KIAA1671: variants seen among roughly 807,000 people sequenced by gnomAD.
KIAA1671 encodes the protein KIAA1671, also known as uncharacterized protein KIAA1671.
Under a neutral mutation model 131.2 loss-of-function variants are expected in KIAA1671, and 52 were observed. That is an observed-to-expected ratio of 0.40 (90% CI 0.32 to 0.50). KIAA1671 has a LOEUF of 0.50. Ranked by LOEUF, KIAA1671 falls within the 20% of genes least tolerant of loss-of-function variation. The pLI is 0.73. For missense variants in KIAA1671, 2,360 were observed against 2,364.2 expected (o/e 1.00, Z 0.04); for synonymous variants, 1,003 against 961.6 (o/e 1.04, Z -0.80).
chr22:25,038,651 T>G, intron 4 of KIAA1671, 109 bp from the exon 5 acceptor site: 1 of 1,156,180 alleles, frequency 8.6e-7, no homozygotes, highest in Non-Finnish European at 1.2e-6. Flanking sequence ...TTTTATGGTA[T>G]TTCATTGTTT....
At chr22:25,154,094 C>T (rs1409628851) in intron 6 of KIAA1671, among the ~76,000 whole-genome samples, 2 of 152,224 alleles carry the variant, frequency 1.3e-5, no homozygotes, top group East Asian at 3.9e-4. Context: ...AGGTCCGGCT[C>T]CAAGGATGTC....
At chr22:25,080,097 G>A (rs73397880) in intron 6 of KIAA1671, among the ~76,000 whole-genome samples, 14,503 of 152,232 alleles carry the variant, frequency 0.095, 819 homozygotes, top group Middle Eastern at 0.13. Flanking sequence ...AGATGGAGCT[G>A]TCATCAGCTT....
At chr22:24,989,235 C>T (rs1279669986) in intron 1 of KIAA1671, among the ~76,000 whole-genome samples, 1 of 152,230 alleles carries the variant, frequency 6.6e-6, no homozygotes, top group Non-Finnish European at 1.5e-5. Context: ...GCCACCCCGT[C>T]TCCCACCTGG....
chr22:25,171,539 C>T (rs897862706), intron 7 of KIAA1671, among the ~76,000 whole-genome samples: 3 of 151,986 alleles, frequency 2.0e-5, no homozygotes, highest in African/African-American at 4.8e-5. Flanking sequence ...TGGCGAAACC[C>T]CATCTCTACT....
In KIAA1671 at chr22:25,189,763, CG is replaced by C. The variant is rs575941037; in HGVS notation, c.5343-938del. Among the ~76,000 whole-genome samples, 135 of 138,488 alleles carry C rather than the reference CG, an allele frequency of 9.7e-4. 1 individual carries two copies. Among genetic ancestry groups the C allele is most frequent in the African/African-American group, 3.5e-3 (133 of 37,488 alleles). The allele number at this position is 138,488 out of a possible 152,430, so 90.9% of individuals were successfully genotyped here. A position where few individuals can be genotyped will look rare whatever the true frequency, so the allele number is the denominator to read the frequency against. Reference sequence around the variant, plus strand: ...TGGATGGAAATAATTTTATATAGGACGAATTTTTTGTTTGTTTGTTTGCTTT... The same window carrying C: ...TGGATGGAAATAATTTTATATAGGACAATTTTTTGTTTGTTTGTTTGCTTT... On this transcript the variant is annotated intron_variant, in intron 11 of 12. Transcript: ENST00000358431.
At chr22:25,059,264 C>G (rs1056638687) in intron 6 of KIAA1671, 1 of 152,160 alleles carries the variant, frequency 6.6e-6, no homozygotes, top group African/African-American at 2.4e-5. Flanking sequence ...GTCAGGAGTT[C>G]AAGATCAGCC....
intron 1 of KIAA1671, among the ~76,000 whole-genome samples, chr22:24,969,185 G>A (rs1922468139): frequency 6.6e-6 from 1 of 152,206 alleles, no homozygotes; most frequent in Non-Finnish European, 1.5e-5. Flanking sequence ...ACAGGTGTGA[G>A]CCACCGTGCC....
At chr22:25,077,730 A>G (rs1021212776) in intron 6 of KIAA1671, among the ~76,000 whole-genome samples, 7 of 152,124 alleles carry the variant, frequency 4.6e-5, no homozygotes, top group African/African-American at 1.7e-4. Context: ...TGTGGTTTTC[A>G]TTGTGTTTCT....
chr22:25,064,897 G>T (rs1165443042), intron 6 of KIAA1671: 1 of 152,258 alleles, frequency 6.6e-6, no homozygotes, highest in Non-Finnish European at 1.5e-5. Flanking sequence ...GATAACCTGG[G>T]ACCCAGGCTC....
chr22:24,967,854 G>C (rs530771226), intron 1 of KIAA1671, among the ~76,000 whole-genome samples: 2 of 152,130 alleles, frequency 1.3e-5, no homozygotes, highest in Non-Finnish European at 2.9e-5. Context: ...TTAGCCGGGC[G>C]TGGTGGCGGG....
intron 6 of KIAA1671, among the ~76,000 whole-genome samples, chr22:25,093,746 C>CTCTCTCTCTCTG (rs1930182178): frequency 8.2e-6 from 1 of 121,432 alleles, no homozygotes; most frequent in East Asian, 2.5e-4. Flanking sequence ...CACTCTCTCT[C>CTCTCTCTCTCTG]TCTCTCTCTC....
chr22:24,966,721 G>C (rs1922324383), intron 1 of KIAA1671, among the ~76,000 whole-genome samples: 1 of 152,192 alleles, frequency 6.6e-6, no homozygotes, highest in Non-Finnish European at 1.5e-5. Flanking sequence ...GGGAGGCCGA[G>C]GTGGAAGGAT....
intron 6 of KIAA1671, among the ~76,000 whole-genome samples, chr22:25,117,003 G>A (rs927641125): frequency 8.5e-5 from 13 of 152,158 alleles, no homozygotes; most frequent in African/African-American, 2.7e-4. Flanking sequence ...GCTGTGGGGG[G>A]TAAGGGGTAG....
At chr22:24,959,565 T>C (rs1602026626) in intron 1 of KIAA1671, among the ~76,000 whole-genome samples, 1 of 150,922 alleles carries the variant, frequency 6.6e-6, no homozygotes, top group African/African-American at 2.4e-5. Context: ...TCGAGGCACA[T>C]ACACACACAC....
intron 5 of KIAA1671, among the ~76,000 whole-genome samples, chr22:25,045,712 C>G (rs1055285593): frequency 2.5e-3 from 385 of 152,168 alleles, no homozygotes; most frequent in African/African-American, 8.8e-3. Context: ...GCCTCAGCCT[C>G]CTGAGTAGCT....
chr22:25,177,145 G>A, intron 8 of KIAA1671: 1 of 564,384 alleles, frequency 1.8e-6, no homozygotes, highest in Non-Finnish European at 3.1e-6. Flanking sequence ...CCTGACTTTT[G>A]TCATCAGCCT....
chr22:24,959,565 T>TACACAC (rs71739745), intron 1 of KIAA1671, among the ~76,000 whole-genome samples: 12 of 150,922 alleles, frequency 8.0e-5, no homozygotes, highest in African/African-American at 2.2e-4. Context: ...TCGAGGCACA[T>TACACAC]ACACACACAC....
At chr22:25,050,720 C>G (rs1018326630) in intron 6 of KIAA1671, 1 of 152,296 alleles carries the variant, frequency 6.6e-6, no homozygotes, top group Non-Finnish European at 1.5e-5. Flanking sequence ...CAGATCCCAG[C>G]TAGGTGTTTA....
In KIAA1671 at chr22:25,028,323, C is replaced by T. The variant is rs1926069447; in HGVS notation, c.324C>T (p.Asn108=). 3 of 1,550,878 alleles carry T rather than the reference C, an allele frequency of 1.9e-6. No individual in the cohort carries two copies. The highest frequency in any genetic ancestry group is 2.6e-6 in the Non-Finnish European group (3 of 1,147,010). ...SEEPAAKDLD[N]RMPGLVGQEV... ...AGCCAGCAGCAAAGGATCTGGACAA[C>T]AGGATGCCCGGCTTGGTGGGGCAGG... The change falls in exon 3 of 13, where the codon AAC becomes AAT. Residue 108 remains asparagine (N), a synonymous_variant. Coordinates refer to ENST00000358431, the MANE Select transcript of KIAA1671 (RefSeq NM_001145206.2).
Sources: allele counts gnomAD v4.1 joint callset (sites outside exome capture counted in the v4.1 genomes callset), GRCh38; gene constraint gnomAD v4.1.1; transcripts MANE v1.5; gene names NCBI Gene and HGNC (gene_info 2026-07-23, HGNC 2026-07-21).